RRAS2: variants seen among roughly 807,000 people sequenced by gnomAD.
RRAS2 encodes the protein RAS related 2.
RRAS2 carries 7 observed loss-of-function variants against 27.6 expected under a neutral mutation model. The observed-to-expected ratio is 0.25, with a 90% CI of 0.14 to 0.48. The LOEUF is 0.48. Ranked by LOEUF, RRAS2 falls within the 20% of genes least tolerant of loss-of-function variation. The probability of loss-of-function intolerance (pLI) is 0.99; values close to 1 mark genes in which losing one functional copy is unlikely to be tolerated. For synonymous variants in RRAS2, 86 were observed against 90.9 expected, an observed-to-expected ratio of 0.95 and a Z score of 0.31; for missense variants, 178 against 256.2, an observed-to-expected ratio of 0.69 and a Z score of 2.08.
intron 1 of RRAS2, among the ~76,000 whole-genome samples, chr11:14,329,478 C>G (rs931814649): frequency 2.6e-5 from 4 of 152,020 alleles, no homozygotes; most frequent in Admixed American, 6.6e-5. Flanking sequence ...GCTTTTAGAC[C>G]CCTCGCATAC....
At chr11:14,327,734 C>T (rs1023260053) in intron 1 of RRAS2, among the ~76,000 whole-genome samples, 6 of 152,084 alleles carry the variant, frequency 3.9e-5, no homozygotes, top group Admixed American at 1.3e-4. Flanking sequence ...AAAAGAAAAA[C>T]GTGCAGTACA....
chr11:14,349,265 C>T (rs1178995522), intron 1 of RRAS2, among the ~76,000 whole-genome samples: 4 of 152,106 alleles, frequency 2.6e-5, no homozygotes, highest in African/African-American at 4.8e-5. Flanking sequence ...CATTCTCCTG[C>T]CTCAGCCTTC....
At chr11:14,295,349 G>A (rs1413377649) in intron 2 of RRAS2, among the ~76,000 whole-genome samples, 4 of 152,190 alleles carry the variant, frequency 2.6e-5, no homozygotes, top group Non-Finnish European at 5.9e-5. Context: ...TTTGTGGAGA[G>A]GGGGGATGTT....
intron 1 of RRAS2, among the ~76,000 whole-genome samples, chr11:14,345,575 G>A (rs985466459): frequency 6.6e-6 from 1 of 152,134 alleles, no homozygotes; most frequent in Admixed American, 6.6e-5. Context: ...AAAAGGGATC[G>A]TTTTCTAATC....
chr11:14,349,881 G>A (rs1224248731), intron 1 of RRAS2, among the ~76,000 whole-genome samples: 2 of 152,096 alleles, frequency 1.3e-5, no homozygotes, highest in Non-Finnish European at 2.9e-5. Context: ...CCCTGTTAAG[G>A]TGTTTTTATT....
At chr11:14,331,073 C>A (rs530876063) in intron 1 of RRAS2, among the ~76,000 whole-genome samples, 1 of 152,102 alleles carries the variant, frequency 6.6e-6, no homozygotes, top group Admixed American at 6.6e-5. Flanking sequence ...TGAGCCACTG[C>A]GCCTGACCCT....
Position 14,326,480 on chromosome 11 carries a change from G to A in RRAS2, c.109-30625C>T, listed in dbSNP as rs188615115. Among the ~76,000 whole-genome samples, 705 of 152,174 alleles carry A rather than the reference G, an allele frequency of 4.6e-3. 4 individuals carry two copies. Among genetic ancestry groups the A allele is most frequent in the African/African-American group, 0.016 (676 of 41,526 alleles). On this transcript the variant is annotated intron_variant, in intron 1 of 5. Coordinates refer to ENST00000256196, the MANE Select transcript of RRAS2 (RefSeq NM_012250.6). Reference sequence around the variant, plus strand: ...TTTCAGGAAATATGTGCTTTCTAACGCTAATGAAGTTTTAGAAAAGATTGT... The same window carrying A: ...TTTCAGGAAATATGTGCTTTCTAACACTAATGAAGTTTTAGAAAAGATTGT...
intron 1 of RRAS2, among the ~76,000 whole-genome samples, chr11:14,349,195 C>T (rs1193619510): frequency 6.6e-6 from 1 of 150,742 alleles, no homozygotes; most frequent in Non-Finnish European, 1.5e-5. Context: ...CTCTGTCACC[C>T]AAGCTGGACT....
chr11:14,343,201 T>C (rs1347414078), intron 1 of RRAS2, among the ~76,000 whole-genome samples: 3 of 152,110 alleles, frequency 2.0e-5, no homozygotes, highest in Non-Finnish European at 4.4e-5. Flanking sequence ...TACAAAGAAA[T>C]AGACACTAAA....
chr11:14,310,327 T>C (rs1362990093), intron 1 of RRAS2, among the ~76,000 whole-genome samples: 12 of 151,990 alleles, frequency 7.9e-5, no homozygotes, highest in African/African-American at 2.9e-4. Flanking sequence ...GAAGACAAAT[T>C]TGGGAGTCAG....
At chr11:14,324,795 T>C (rs945536089) in intron 1 of RRAS2, among the ~76,000 whole-genome samples, 2 of 151,952 alleles carry the variant, frequency 1.3e-5, no homozygotes, top group South Asian at 2.1e-4. Flanking sequence ...GACACAAGAA[T>C]AGGCAAAAAA....
In RRAS2 at chr11:14,349,239, C is replaced by T. The variant is rs564417327; in HGVS notation, c.108+9524G>A. Among the ~76,000 whole-genome samples, 192 of 152,198 alleles carry T rather than the reference C, an allele frequency of 1.3e-3. 1 individual carries two copies. Among genetic ancestry groups the T allele is most frequent in the African/African-American group, 4.4e-3 (183 of 41,528 alleles). On this transcript the variant is annotated intron_variant, in intron 1 of 5. Coordinates refer to ENST00000256196, the MANE Select transcript of RRAS2 (RefSeq NM_012250.6). The stretch of plus-strand genomic sequence containing the variant: ...GCGACTTGGCTCACTGCAACCTCCA[C>T]CTCCCAGGTTCACACCATTCTCCTG...
intron 1 of RRAS2, chr11:14,364,266 G>C (rs1591498216): frequency 4.5e-6 from 4 of 884,420 alleles, no homozygotes; most frequent in Non-Finnish European, 7.2e-6. Context: ...GGATCTGAGG[G>C]TAGAGTGGAG....
At chr11:14,364,288 A>G in intron 1 of RRAS2, 1 of 1,110,942 alleles carries the variant, frequency 9.0e-7, no homozygotes, top group Non-Finnish European at 1.3e-6. Context: ...GGGAGATGCT[A>G]GAATCAAGAT....
intron 4 of RRAS2, among the ~76,000 whole-genome samples, chr11:14,288,356 T>C (rs1199275666): frequency 1.3e-5 from 2 of 152,218 alleles, no homozygotes; most frequent in African/African-American, 4.8e-5. Flanking sequence ...CATACATTTC[T>C]GGTGAAGAAA....
Position 14,358,671 on chromosome 11 carries a change from TG to T in RRAS2, c.108+91del, listed in dbSNP as rs1849135860. 7.0e-6 allele frequency: 7 copies of T among 1,006,582 alleles called. No homozygotes were observed. The South Asian group carries it at 3.1e-4, about 45-fold the overall frequency. 62.4% of individuals were successfully genotyped at this position (1,006,582 alleles called of 1,614,324 possible). A position where few individuals can be genotyped will look rare whatever the true frequency, so the allele number is the denominator to read the frequency against. On this transcript the variant is annotated intron_variant, in intron 1 of 5. Transcript: ENST00000256196. The surrounding 1 kb of genome is among the most constrained non-coding windows in gnomAD (Gnocchi z 5.1). The stretch of plus-strand genomic sequence containing the variant: ...CCGGCCCGGGCCCGCGAGGCGCCTC[TG>T]GGGCGAGGTCGCGGCGGCCGCCCCG...
chr11:14,361,076 G>A (rs1328813143), upstream of RRAS2, among the ~76,000 whole-genome samples: 4 of 152,100 alleles, frequency 2.6e-5, no homozygotes, highest in Non-Finnish European at 4.4e-5. Context: ...GCTCGCTTGA[G>A]CCCAGGAGTT....
Position 14,309,679 on chromosome 11 carries a change from A to G in RRAS2, c.109-13824T>C, listed in dbSNP as rs868974044. ...ATCATTCCAGGCAGAGGGAACATTA[A>G]GTTAAAGGCAGTGCGGTGAGAGTAC... is the stretch of plus-strand genomic sequence containing the variant. On this transcript the variant is annotated intron_variant, in intron 1 of 5. Transcript: ENST00000256196. Among the ~76,000 whole-genome samples the G allele has an allele frequency of 1.1e-4, 16 of 152,342 alleles. 2 individuals carry two copies. The highest frequency in any genetic ancestry group is 4.1e-4 in the South Asian group (2 of 4,824).
intron 1 of RRAS2, among the ~76,000 whole-genome samples, chr11:14,354,677 T>C (rs1206302852): frequency 1.3e-4 from 19 of 145,660 alleles, no homozygotes; most frequent in East Asian, 3.9e-4. Context: ...AATTTCTTTT[T>C]TTTTTTTTTT....
Sources: allele counts gnomAD v4.1 joint callset (sites outside exome capture counted in the v4.1 genomes callset), GRCh38; gene constraint gnomAD v4.1.1; non-coding constraint Gnocchi (gnomAD v3.1); transcripts MANE v1.5; gene names NCBI Gene and HGNC (gene_info 2026-07-23, HGNC 2026-07-21).